Variants in PCNX1 observed in about 807,000 individuals in gnomAD.
PCNX1 encodes the protein pecanex 1.
Under a neutral mutation model 242.2 loss-of-function variants are expected in PCNX1, and 78 were observed. The ratio of observed to expected loss-of-function variants is 0.32; its 90% CI spans 0.27 to 0.39. The LOEUF is 0.39. PCNX1 is among the 10% of genes least tolerant of loss of function. PCNX1 has a pLI of 1.00. For synonymous variants in PCNX1, 1,024 were observed against 1,032.9 expected, an observed-to-expected ratio of 0.99 and a Z score of 0.17; for missense variants, 2,581 against 2,856.5, an observed-to-expected ratio of 0.90 and a Z score of 2.20.
rs186405131 is a variant in PCNX1 at position 70,937,452 on chromosome 14, G to A, written c.154-9463G>A. On this transcript the variant is annotated intron_variant, in intron 1 of 35. Transcript: ENST00000304743. ...AAAGATCAGATAGCTGTAGATGTGCGGTATTATTTCTGAGGGCTCTGTTCT... is the reference window on the plus strand; with the variant it reads ...AAAGATCAGATAGCTGTAGATGTGCAGTATTATTTCTGAGGGCTCTGTTCT... Among the ~76,000 whole-genome samples the A allele has an allele frequency of 3.3e-5, 5 of 152,182 alleles. No individual in the cohort carries two copies. In the East Asian group the frequency reaches 5.8e-4, roughly 18 times the overall value.
At position 71,051,196 on chromosome 14, in the gene PCNX1, AAAT is replaced by A. The variant is rs1320234658; in HGVS notation, c.4447+437_4447+439del. On this transcript the variant is annotated intron_variant, in intron 23 of 35. Transcript: ENST00000304743. ...AAAAAAAAAAAAAAAAAAAAAAAAAAAATCATAACCTTTTATATCCACACCTAT... is the reference window on the plus strand; with the variant it reads ...AAAAAAAAAAAAAAAAAAAAAAAAAACATAACCTTTTATATCCACACCTAT... 1.5e-3 allele frequency among the ~76,000 whole-genome samples: 124 copies of A among 82,846 alleles called. 7 individuals are homozygous for A. Among genetic ancestry groups the A allele is most frequent in the East Asian group, 2.9e-3 (7 of 2,426 alleles). 54.4% of individuals were successfully genotyped at this position (82,846 alleles called of 152,430 possible). A position where few individuals can be genotyped will look rare whatever the true frequency, so the allele number is the denominator to read the frequency against.
intron 11 of PCNX1, among the ~76,000 whole-genome samples, chr14:71,013,716 A>T (rs754532330): frequency 2.0e-5 from 3 of 152,176 alleles, no homozygotes; most frequent in Non-Finnish European, 4.4e-5. Context: ...GACATTGGAG[A>T]TGAGGAAAAA....
intron 2 of PCNX1, among the ~76,000 whole-genome samples, chr14:70,954,910 C>G (rs546727772): frequency 6.6e-6 from 1 of 152,318 alleles, no homozygotes; most frequent in South Asian, 2.1e-4. Context: ...TCCTCACCCT[C>G]ACACTTGTGA....
At chr14:70,964,830 T>G (rs2058329254) in intron 3 of PCNX1, among the ~76,000 whole-genome samples, 1 of 152,194 alleles carries the variant, frequency 6.6e-6, no homozygotes, top group African/African-American at 2.4e-5. Flanking sequence ...GGGCAAATAT[T>G]GGAGGTTATT....
At chr14:70,948,857 A>G in intron 2 of PCNX1, among the ~76,000 whole-genome samples, 1 of 148,354 alleles carries the variant, frequency 6.7e-6, no homozygotes. Flanking sequence ...GTGTGTATAT[A>G]TACACATATG....
At chr14:71,012,294 G>A (rs1319206972) in intron 10 of PCNX1, 2 of 153,622 alleles carry the variant, frequency 1.3e-5, no homozygotes, top group Non-Finnish European at 2.9e-5. Flanking sequence ...CAAAGCTTAA[G>A]GAGAAAAGAC....
In PCNX1 at chr14:71,112,479, C is replaced by CAT. The variant is rs1056557722; in HGVS notation, c.*2546_*2547dup. 6.6e-6 allele frequency: 1 copy of CAT among 151,998 alleles called. No individual in the cohort carries two copies. The highest frequency in any genetic ancestry group is 1.5e-5 in the Non-Finnish European group (1 of 67,930). 9.4% of individuals were successfully genotyped at this position (151,998 alleles called of 1,614,324 possible). On this transcript the variant is annotated 3_prime_UTR_variant, in exon 36 of 36. Coordinates refer to ENST00000304743, the MANE Select transcript of PCNX1 (RefSeq NM_014982.3). ...CTAAAACTGACAATCTTTTAAAAAT[C>CAT]ATAATACTTTTCTAGTAATTGCATC...
chr14:71,093,532 A>G (rs2062192586), intron 30 of PCNX1: 1 of 152,266 alleles, frequency 6.6e-6, no homozygotes, highest in African/African-American at 2.4e-5. Flanking sequence ...GGATTATTCA[A>G]GACTGATTTT....
chr14:70,928,537 A>G lies in PCNX1; in HGVS notation c.154-18378A>G, dbSNP rs186206918. 3.5e-4 allele frequency among the ~76,000 whole-genome samples: 53 copies of G among 152,346 alleles called. 1 individual carries two copies. Among genetic ancestry groups the G allele is most frequent in the Admixed American group, 5.9e-4 (9 of 15,308 alleles). ...AGACTGATAAATAAAAGAGTGATTT[A>G]TACAGTAAAATATTGTTACTAATTT... On this transcript the variant is annotated intron_variant, in intron 1 of 35. Coordinates refer to ENST00000304743, the MANE Select transcript of PCNX1 (RefSeq NM_014982.3).
intron 5 of PCNX1, among the ~76,000 whole-genome samples, chr14:70,976,704 G>A (rs2058701620): frequency 6.6e-6 from 1 of 151,984 alleles, no homozygotes; most frequent in Non-Finnish European, 1.5e-5. Flanking sequence ...ATTGTTGATA[G>A]TCTATACAAC....
intron 12 of PCNX1, 121 bp from the exon 13 acceptor site, chr14:71,023,079 A>G (rs143422876): frequency 2.1e-4 from 156 of 744,482 alleles, no homozygotes; most frequent in African/African-American, 1.2e-3. Flanking sequence ...AATTATTAAT[A>G]TAGGTCATTT....
chr14:70,987,493 A>G (rs1229638821), intron 6 of PCNX1, among the ~76,000 whole-genome samples: 1 of 152,194 alleles, frequency 6.6e-6, no homozygotes, highest in East Asian at 1.9e-4. Flanking sequence ...TTTTGTATAC[A>G]TGGACTTTTA....
intron 28 of PCNX1, among the ~76,000 whole-genome samples, chr14:71,080,485 T>C (rs1023288588): frequency 1.3e-5 from 2 of 152,248 alleles, no homozygotes; most frequent in East Asian, 3.8e-4. Context: ...TTTCACAATA[T>C]TGATTCTTCC....
chr14:70,922,334 A>G (rs2056410031), intron 1 of PCNX1, among the ~76,000 whole-genome samples: 1 of 152,192 alleles, frequency 6.6e-6, no homozygotes, highest in South Asian at 2.1e-4. Flanking sequence ...GTATTAGACA[A>G]AAACATGAAT....
intron 6 of PCNX1, among the ~76,000 whole-genome samples, chr14:70,981,409 T>TA (rs568995264): frequency 8.5e-5 from 13 of 152,322 alleles, no homozygotes; most frequent in African/African-American, 3.1e-4. Context: ...CCTAGTTTCT[T>TA]ACATAATGCC....
chr14:71,047,112 A>G lies in PCNX1; in HGVS notation c.4160+7A>G, dbSNP rs767137936. ...CAAAGAAACTGAATACAGAGTAAGT[A>G]TAGTAGTCTTCTAATATTGTCTGAC... On this transcript the variant is annotated splice_region_variant and intron_variant, in intron 21 of 35. Coordinates refer to ENST00000304743, the MANE Select transcript of PCNX1 (RefSeq NM_014982.3). 1 of 1,551,144 alleles carries G rather than the reference A, an allele frequency of 6.4e-7. No homozygotes were observed. Among genetic ancestry groups the G allele is most frequent in the South Asian group, 1.2e-5 (1 of 83,150 alleles).
At chr14:71,079,070 A>G (rs531078370) in intron 28 of PCNX1, among the ~76,000 whole-genome samples, 5 of 151,712 alleles carry the variant, frequency 3.3e-5, no homozygotes, top group East Asian at 1.9e-4. Context: ...TCATTGTTCA[A>G]CTCCCACTTA....
chr14:71,018,428 A>G (rs1307173272), intron 11 of PCNX1, among the ~76,000 whole-genome samples: 1 of 152,076 alleles, frequency 6.6e-6, no homozygotes, highest in Admixed American at 6.5e-5. Context: ...CAACTTTGAT[A>G]GAAGCAGAGG....
chr14:71,062,879 A>AC (rs2061361038), intron 26 of PCNX1, among the ~76,000 whole-genome samples: 1 of 152,112 alleles, frequency 6.6e-6, no homozygotes, highest in African/African-American at 2.4e-5. Flanking sequence ...TTTTTACTGT[A>AC]CCGTTTCTGT....
Sources: gnomAD v4.1 joint callset for allele counts (sites outside exome capture counted in the v4.1 genomes callset) on GRCh38, gnomAD v4.1.1 for gene constraint, MANE v1.5 for transcripts, NCBI Gene and HGNC (gene_info 2026-07-23, HGNC 2026-07-21) for gene names.